Variants in GNE observed in about 807,000 individuals in gnomAD.
The protein encoded by GNE is bifunctional UDP-N-acetylglucosamine 2-epimerase/N-acetylmannosamine kinase.
Under a neutral mutation model 61.8 loss-of-function variants are expected in GNE, and 41 were observed. The ratio of observed to expected loss-of-function variants is 0.66; its 90% CI spans 0.52 to 0.86. The LOEUF is 0.86. GNE is among the 40% of genes least tolerant of loss of function. The pLI, the probability that GNE is intolerant of heterozygous loss-of-function variation, is 0.00. For synonymous variants in GNE, 264 were observed against 326.4 expected (o/e 0.81, Z 2.06); for missense variants, 608 against 909.1 (o/e 0.67, Z 4.26).
chr9:36,275,183 A>G (rs930408327), intron 1 of GNE, among the ~76,000 whole-genome samples: 14 of 152,220 alleles, frequency 9.2e-5, no homozygotes, highest in Admixed American at 2.0e-4. Context: ...CTTCTTCCTT[A>G]TAAACCTGGG....
At chr9:36,261,123 C>T (rs1479194945), upstream of GNE, among the ~76,000 whole-genome samples, 1 of 152,064 alleles carries the variant, frequency 6.6e-6, no homozygotes, top group African/African-American at 2.4e-5. Context: ...TACTGCCTTC[C>T]TCTCTCACTT....
intron 7 of GNE, 107 bp from the exon 8 acceptor site, chr9:36,223,609 C>T: frequency 8.3e-7 from 1 of 1,201,952 alleles, no homozygotes; most frequent in Non-Finnish European, 1.2e-6. Flanking sequence ...TAGGATGGCC[C>T]CGCAGTCTTA....
At position 36,255,352 on chromosome 9, in the gene GNE, C is replaced by T. The variant is rs372481539; in HGVS notation, c.-43+2969G>A. ...CCTCCCAAGTAGCTGGGATTACAGG[C>T]GCACGCCACCATGCCTGGCTAATTT... is the stretch of plus-strand genomic sequence containing the variant. On this transcript the variant is annotated intron_variant, in intron 1 of 11. Coordinates refer to ENST00000642385, the MANE Select transcript of GNE (RefSeq NM_005476.7). 1.4e-4 allele frequency among the ~76,000 whole-genome samples: 22 copies of T among 152,172 alleles called. No individual in the cohort carries two copies. In the East Asian group the frequency reaches 1.9e-3, roughly 13 times the overall value.
At chr9:36,254,468 G>A (rs964066866) in intron 1 of GNE, among the ~76,000 whole-genome samples, 36 of 152,072 alleles carry the variant, frequency 2.4e-4, no homozygotes, top group African/African-American at 8.5e-4. Context: ...GGAGTTTGAG[G>A]CTGTAGTGAG....
intron 4 of GNE, among the ~76,000 whole-genome samples, chr9:36,235,572 G>T (rs1176343922): frequency 6.6e-6 from 1 of 152,150 alleles, no homozygotes; most frequent in Non-Finnish European, 1.5e-5. Flanking sequence ...GACAATGAAT[G>T]CTGAACGAGA....
chr9:36,252,218 C>T (rs748020271), intron 1 of GNE, among the ~76,000 whole-genome samples: 3 of 152,090 alleles, frequency 2.0e-5, no homozygotes, highest in South Asian at 2.1e-4. Context: ...AACTCCTGAC[C>T]TCATGATCCA....
Position 36,269,643 on chromosome 9 carries a change from G to T in GNE, c.51+7251C>A, listed in dbSNP as rs184669780. On this transcript the variant is annotated intron_variant, in intron 1 of 11. Coordinates refer to the GNE transcript ENST00000396594. ...TCAAAATGTTATCTCAGTTTATGTT[G>T]TTGGGTTTTCTTTCTTCTTTCTTTT... Among the ~76,000 whole-genome samples, 720 of 147,658 alleles carry T rather than the reference G, an allele frequency of 4.9e-3. 4 individuals carry two copies. The highest frequency in any genetic ancestry group is 0.011 in the Middle Eastern group (3 of 280).
rs767777879 is a variant in GNE, at chr9:36,249,371, T to A, written c.-16A>T. 49 of 1,611,986 alleles carry A rather than the reference T, an allele frequency of 3.0e-5. No individual in the cohort carries two copies. Among genetic ancestry groups the A allele is most frequent in the Admixed American group, 6.7e-5 (4 of 59,934 alleles). On this transcript the variant is annotated 5_prime_UTR_variant, in exon 2 of 12. Transcript: ENST00000642385. ...TCTTCTCCATGATTTGCTTGTTTCGTTTTGAGAGGTTCTTAAAATAGAGTT... is the reference window on the plus strand; with the variant it reads ...TCTTCTCCATGATTTGCTTGTTTCGATTTGAGAGGTTCTTAAAATAGAGTT...
intron 5 of GNE, among the ~76,000 whole-genome samples, chr9:36,231,164 G>C (rs961947766): frequency 2.0e-5 from 3 of 149,006 alleles, no homozygotes; most frequent in Non-Finnish European, 4.5e-5. Flanking sequence ...AAGAAGGAAA[G>C]AAAACAAACA....
At chr9:36,223,534 T>C in intron 7 of GNE, 32 bp from the exon 8 acceptor site, 1 of 1,602,836 alleles carries the variant, frequency 6.2e-7, no homozygotes, top group Non-Finnish European at 8.5e-7. Context: ...TCCGTCTTAC[T>C]GGTCTTAGCT....
rs116465159 is a variant in GNE, at chr9:36,235,779, C to G, written c.769+1053G>C. On this transcript the variant is annotated intron_variant, in intron 4 of 11. Transcript: ENST00000642385. ...TCAAGGGAATACTAAGACAGGGGTT[C>G]TTTCAGAGTAAGTTGGTGATATCTT... Among the ~76,000 whole-genome samples the G allele has an allele frequency of 6.9e-3, 1,053 of 152,242 alleles. 13 individuals carry two copies. The highest frequency in any genetic ancestry group is 0.023 in the African/African-American group (963 of 41,544).
intron 1 of GNE, among the ~76,000 whole-genome samples, chr9:36,254,673 CG>C (rs1315820617): frequency 6.7e-6 from 1 of 150,312 alleles, no homozygotes; most frequent in Non-Finnish European, 1.5e-5. Flanking sequence ...GAGTTTCGGC[CG>C]GGCGCAGTGG....
At chr9:36,256,856 G>A (rs1421751925) in intron 1 of GNE, among the ~76,000 whole-genome samples, 1 of 152,130 alleles carries the variant, frequency 6.6e-6, no homozygotes, top group Non-Finnish European at 1.5e-5. Context: ...TATTAGCCGC[G>A]TTTTACAGAC....
chr9:36,243,244 C>T (rs1443387026), intron 3 of GNE, among the ~76,000 whole-genome samples: 2 of 152,042 alleles, frequency 1.3e-5, no homozygotes, highest in African/African-American at 4.8e-5. Context: ...AGAGTTTCAC[C>T]ACGTTGCCCA....
intron 1 of GNE, among the ~76,000 whole-genome samples, chr9:36,274,821 C>A (rs1403951318): frequency 8.3e-6 from 1 of 120,896 alleles, no homozygotes; most frequent in Admixed American, 8.1e-5. Context: ...CTCCCGGGTT[C>A]ACGCCATTCT....
In GNE at chr9:36,217,196, T is replaced by C. The variant is rs1828353798; in HGVS notation, c.*169A>G. The C allele has an allele frequency of 1.5e-6, 1 of 650,598 alleles. No individual in the cohort carries two copies. The highest frequency in any genetic ancestry group is 1.7e-5 in the South Asian group (1 of 58,182). The allele number at this position is 650,598 out of a possible 1,614,324, so 40.3% of individuals were successfully genotyped here. A position where few individuals can be genotyped will look rare whatever the true frequency, so the allele number is the denominator to read the frequency against. On this transcript the variant is annotated 3_prime_UTR_variant, in exon 12 of 12. Coordinates refer to ENST00000642385, the MANE Select transcript of GNE (RefSeq NM_005476.7). ...AGAATAGCATCTACAAAAATAGGAG[T>C]GGGGAAAGGTGACTCTGGAAGAGGA...
chr9:36,246,953 G>A (rs998384692), intron 2 of GNE, among the ~76,000 whole-genome samples: 1 of 152,194 alleles, frequency 6.6e-6, no homozygotes, highest in Non-Finnish European at 1.5e-5. Context: ...ACACGCGTGA[G>A]CGACTGCACC....
At chr9:36,260,230 C>A (rs984550087), upstream of GNE, among the ~76,000 whole-genome samples, 1 of 147,546 alleles carries the variant, frequency 6.8e-6, no homozygotes, top group Non-Finnish European at 1.5e-5. Context: ...ACAGTGAGCT[C>A]GATCAAACCA....
upstream of GNE, among the ~76,000 whole-genome samples, chr9:36,260,029 G>A (rs1158963950): frequency 6.6e-6 from 1 of 152,066 alleles, no homozygotes. Flanking sequence ...AAACTCAACT[G>A]AAGTGGATGG....
Sources: allele counts gnomAD v4.1 joint callset (sites outside exome capture counted in the v4.1 genomes callset), GRCh38; gene constraint gnomAD v4.1.1; transcripts MANE v1.5; gene names NCBI Gene and HGNC (gene_info 2026-07-23, HGNC 2026-07-21).